Variants in MIGA2 observed in about 807,000 individuals in gnomAD.
MIGA2 encodes the protein family with sequence similarity 73, member B.
A neutral mutation model predicts 69.9 loss-of-function variants in MIGA2; 36 were observed. The ratio of observed to expected loss-of-function variants is 0.52; its 90% CI spans 0.39 to 0.68. MIGA2 has a LOEUF of 0.68. Ranked by LOEUF, MIGA2 falls within the 30% of genes least tolerant of loss-of-function variation. The probability of loss-of-function intolerance (pLI) is 0.00; values close to 1 mark genes in which losing one functional copy is unlikely to be tolerated. For missense variants in MIGA2, 660 were observed against 787.7 expected, an observed-to-expected ratio of 0.84 and a Z score of 1.94; for synonymous variants, 333 against 349.2, an observed-to-expected ratio of 0.95 and a Z score of 0.52.
At position 129,067,756 on chromosome 9, in the gene MIGA2, C is replaced by T. The variant is rs768921850; in HGVS notation, c.1171-17C>T. Reference sequence around the variant, plus strand: ...GTCTTGTCCAGTGACCAGGATGGGCCGTGCTTCTCTCCACAGAGCCCCAAA... The same window carrying T: ...GTCTTGTCCAGTGACCAGGATGGGCTGTGCTTCTCTCCACAGAGCCCCAAA... On this transcript the variant is annotated splice_polypyrimidine_tract_variant and intron_variant, in intron 11 of 15. Transcript: ENST00000684074. The T allele has an allele frequency of 5.0e-6, 8 of 1,600,472 alleles. No individual in the cohort carries two copies. Among genetic ancestry groups the T allele is most frequent in the Middle Eastern group, 3.3e-4 (2 of 5,986 alleles).
rs1322040948 is a variant in MIGA2 at position 129,068,159 on chromosome 9, T to C, written c.1270-39T>C. ...GAAAGTGGCCCCGAGGCTCCGGCAG[T>C]GCCCCCATGCATGAGCCTCCCGGGG... is the stretch of plus-strand genomic sequence containing the variant. On this transcript the variant is annotated intron_variant, in intron 12 of 15. Coordinates refer to ENST00000684074, the MANE Select transcript of MIGA2 (RefSeq NM_001329990.2). This position sits in a 1 kb window ranked among gnomAD's most constrained non-coding sequence, Gnocchi z 4.1. 2 of 1,613,372 alleles carry C rather than the reference T, an allele frequency of 1.2e-6. No individual in the cohort carries two copies. Among genetic ancestry groups the C allele is most frequent in the African/African-American group, 1.3e-5 (1 of 75,054 alleles).
rs2131354914 is a variant in MIGA2 at position 129,048,419 on chromosome 9, C to T, written c.308-8C>T. The stretch of plus-strand genomic sequence containing the variant: ...CCTGTGTGACGCCTGCCCTTCTGCT[C>T]CTCACAGGATACTCCAGCCGGAGAG... On this transcript the variant is annotated splice_region_variant and splice_polypyrimidine_tract_variant and intron_variant, in intron 3 of 15. Transcript: ENST00000684074. The T allele has an allele frequency of 6.2e-7, 1 of 1,612,622 alleles. No homozygotes were observed. The highest frequency in any genetic ancestry group is 1.1e-5 in the South Asian group (1 of 91,020).
intron 11 of MIGA2, among the ~76,000 whole-genome samples, chr9:129,064,927 CAT>C (rs1363441461): frequency 6.6e-6 from 1 of 151,886 alleles, no homozygotes; most frequent in Non-Finnish European, 1.5e-5. Context: ...GGATTACAGG[CAT>C]GTGTCACCGC....
At position 129,068,315 on chromosome 9, in the gene MIGA2, G is replaced by C; in HGVS notation, c.1387G>C (p.Asp463His). 1 of 1,607,056 alleles carries C rather than the reference G, an allele frequency of 6.2e-7. No individual in the cohort carries two copies. Among genetic ancestry groups the C allele is most frequent in the East Asian group, 2.2e-5 (1 of 44,820 alleles). Reference sequence around the variant, plus strand: ...CGTCCTGCGGAACCGCTGGCTGTCAGACAGCTTCAAGGAGACGGTGGGTCA... The same window carrying C: ...CGTCCTGCGGAACCGCTGGCTGTCACACAGCTTCAAGGAGACGGTGGGTCA... ...LAVLRNRWLS[D>H]SFKETALATA... The change falls in exon 13 of 16, where the codon GAC becomes CAC. Residue 463 changes from aspartate to histidine, a missense_variant. Around this residue, in one of 3 missense-constraint regions of MIGA2, gnomAD observed 220 missense variants for 301.7 expected, o/e 0.73. Transcript: ENST00000684074. The surrounding 1 kb of genome is among the most constrained non-coding windows in gnomAD (Gnocchi z 4.1).
chr9:129,054,534 A>C (rs1845701434), intron 6 of MIGA2, among the ~76,000 whole-genome samples: 1 of 152,094 alleles, frequency 6.6e-6, no homozygotes, highest in Non-Finnish European at 1.5e-5. Context: ...ATTTCCCCCC[A>C]GCTCTAGGCA....
intron 2 of MIGA2, 60 bp from the exon 3 acceptor site, chr9:129,042,244 C>A: frequency 6.4e-7 from 1 of 1,570,126 alleles, no homozygotes; most frequent in South Asian, 1.1e-5. Flanking sequence ...CTGGGGCGGT[C>A]CTGCTGCCTT....
At chr9:129,056,463 C>G (rs543657462) in intron 6 of MIGA2, among the ~76,000 whole-genome samples, 2 of 151,990 alleles carry the variant, frequency 1.3e-5, no homozygotes, top group South Asian at 4.2e-4. Context: ...TCACAGAAGA[C>G]TGGCCCATGG....
chr9:129,070,457 C>T lies in MIGA2; in HGVS notation c.*4C>T, dbSNP rs551719328. 1.6e-5 allele frequency: 25 copies of T among 1,555,402 alleles called. No individual in the cohort carries two copies. Among genetic ancestry groups the T allele is most frequent in the Middle Eastern group, 2.0e-4 (1 of 5,048 alleles). On this transcript the variant is annotated 3_prime_UTR_variant, in exon 16 of 16. Coordinates refer to ENST00000684074, the MANE Select transcript of MIGA2 (RefSeq NM_001329990.2). Reference sequence around the variant, plus strand: ...GCCCCTGGGGGAGCTGCAGTAGAGGCGGCACGGGCTGGGGGGTGGCAGAGA... The same window carrying T: ...GCCCCTGGGGGAGCTGCAGTAGAGGTGGCACGGGCTGGGGGGTGGCAGAGA...
intron 6 of MIGA2, among the ~76,000 whole-genome samples, chr9:129,056,572 G>A (rs907129773): frequency 6.6e-6 from 1 of 150,770 alleles, no homozygotes; most frequent in African/African-American, 2.4e-5. Context: ...AGGCTGAAGT[G>A]CAGTGGCACA....
intron 4 of MIGA2, 26 bp downstream of exon 4, chr9:129,048,565 G>C: frequency 6.3e-7 from 1 of 1,592,454 alleles, no homozygotes; most frequent in Non-Finnish European, 8.6e-7. Flanking sequence ...CAGGGCTCCA[G>C]GGCTCCAGGT....
At chr9:129,058,709 A>G (rs962175904) in intron 6 of MIGA2, among the ~76,000 whole-genome samples, 1 of 152,038 alleles carries the variant, frequency 6.6e-6, no homozygotes, top group African/African-American at 2.4e-5. Context: ...CATGTTGGTC[A>G]GGCTGGTCTC....
chr9:129,054,572 G>A (rs558309759), intron 6 of MIGA2, among the ~76,000 whole-genome samples: 1 of 152,226 alleles, frequency 6.6e-6, no homozygotes, highest in East Asian at 1.9e-4. Flanking sequence ...TCTACATCTG[G>A]ATTTGCCTAT....
rs534576918 is a variant in MIGA2, at chr9:129,066,943, G to A, written c.1171-830G>A. Among the ~76,000 whole-genome samples the A allele has an allele frequency of 3.3e-3, 332 of 101,000 alleles. 2 individuals are homozygous for A. The highest frequency in any genetic ancestry group is 5.0e-3 in the Non-Finnish European group (260 of 52,414). The allele number at this position is 101,000 out of a possible 152,430, so 66.3% of individuals were successfully genotyped here. A position where few individuals can be genotyped will look rare whatever the true frequency, so the allele number is the denominator to read the frequency against. ...GCCACTGCATTCCAGCCTGCCAATAGAGCGAGACTCTGTCTCAAAAAAAAA... is the reference window on the plus strand; with the variant it reads ...GCCACTGCATTCCAGCCTGCCAATAAAGCGAGACTCTGTCTCAAAAAAAAA... On this transcript the variant is annotated intron_variant, in intron 11 of 15. Transcript: ENST00000684074.
chr9:129,038,020 G>A (rs1365761269), intron 1 of MIGA2, among the ~76,000 whole-genome samples: 1 of 152,196 alleles, frequency 6.6e-6, no homozygotes, highest in Non-Finnish European at 1.5e-5. Flanking sequence ...ATAAGAGCTT[G>A]GGAAATAGTA....
chr9:129,051,824 A>C lies in MIGA2; in HGVS notation c.675+1861A>C, dbSNP rs538579555. Reference sequence around the variant, plus strand: ...ATGTTAGCCAGGATGTAATTAATTAATTAATTAATTAATTAATTAGAGACG... The same window carrying C: ...ATGTTAGCCAGGATGTAATTAATTACTTAATTAATTAATTAATTAGAGACG... On this transcript the variant is annotated intron_variant, in intron 6 of 15. Coordinates refer to ENST00000684074, the MANE Select transcript of MIGA2 (RefSeq NM_001329990.2). Among the ~76,000 whole-genome samples, 18 of 144,400 alleles carry C rather than the reference A, an allele frequency of 1.2e-4. No homozygotes were observed. The South Asian group carries it at 3.9e-3, about 32-fold the overall frequency. 94.7% of individuals were successfully genotyped at this position (144,400 alleles called of 152,430 possible).
intron 6 of MIGA2, chr9:129,051,277 T>C: frequency 5.5e-6 from 1 of 181,294 alleles, no homozygotes; most frequent in Non-Finnish European, 1.1e-5. Context: ...TATTTATTTA[T>C]TTATTTATTT....
In MIGA2 at chr9:129,070,530, G is replaced by A; in HGVS notation, c.*77G>A. Reference sequence around the variant, plus strand: ...GGGTTGGTATCTGACAGCTGTGGTGGCTGAGGGCCGTTGCCCCTGACTTTG... The same window carrying A: ...GGGTTGGTATCTGACAGCTGTGGTGACTGAGGGCCGTTGCCCCTGACTTTG... On this transcript the variant is annotated 3_prime_UTR_variant, in exon 16 of 16. Coordinates refer to ENST00000684074, the MANE Select transcript of MIGA2 (RefSeq NM_001329990.2). 7.1e-7 allele frequency: 1 copy of A among 1,416,520 alleles called. No homozygotes were observed. The highest frequency in any genetic ancestry group is 9.3e-7 in the Non-Finnish European group (1 of 1,076,176). 87.7% of individuals were successfully genotyped at this position (1,416,520 alleles called of 1,614,324 possible).
intron 1 of MIGA2, chr9:129,036,914 G>A (rs775128443): frequency 2.5e-5 from 25 of 1,000,322 alleles, no homozygotes; most frequent in Non-Finnish European, 2.5e-5. Flanking sequence ...GGAACGTGGC[G>A]GGGATTGGAG....
intron 11 of MIGA2, 136 bp downstream of exon 11, chr9:129,063,767 A>G: frequency 1.3e-6 from 1 of 783,586 alleles, no homozygotes; most frequent in Non-Finnish European, 2.0e-6. Flanking sequence ...AGACTCTGCA[A>G]CCGTGGATCT....
Sources: allele counts gnomAD v4.1 joint callset (sites outside exome capture counted in the v4.1 genomes callset), GRCh38; gene constraint gnomAD v4.1.1; regional missense constraint gnomAD v4.1.1; non-coding constraint Gnocchi (gnomAD v3.1); transcripts MANE v1.5; gene names NCBI Gene and HGNC (gene_info 2026-07-23, HGNC 2026-07-21).